REV1: variants seen among roughly 807,000 people sequenced by gnomAD.
REV1 encodes the protein translesion synthesis protein REV1.
In REV1, 42 loss-of-function variants were observed where a neutral mutation model predicts 137.4. The ratio of observed to expected loss-of-function variants is 0.31; its 90% CI spans 0.24 to 0.40. REV1 has a LOEUF of 0.40. Among genes scored for constraint, REV1 ranks in the 10% least tolerant of loss-of-function variants. The pLI, the probability that REV1 is intolerant of heterozygous loss-of-function variation, is 1.00. For missense variants in REV1, 1,282 were observed against 1,490.1 expected (o/e 0.86, Z 2.30); for synonymous variants, 524 against 519.2 (o/e 1.01, Z -0.12).
chr2:99,410,357 A>G (rs1162541234), intron 14 of REV1, among the ~76,000 whole-genome samples: 1 of 152,082 alleles, frequency 6.6e-6, no homozygotes, highest in African/African-American at 2.4e-5. Flanking sequence ...CTCAGGAAAA[A>G]AGTTTCACCA....
rs185780862 is a variant in REV1 at position 99,477,809 on chromosome 2, T to C, written c.-11+12008A>G. Among the ~76,000 whole-genome samples the C allele has an allele frequency of 9.0e-4, 137 of 152,344 alleles. 3 individuals carry two copies. The East Asian group carries it at 0.022, about 24-fold the overall frequency. On this transcript the variant is annotated intron_variant, in intron 1 of 22. Coordinates refer to ENST00000258428, the MANE Select transcript of REV1 (RefSeq NM_016316.4). The stretch of plus-strand genomic sequence containing the variant: ...GTTATTCATAACTACCAAAAAAAGA[T>C]GCTTGATTTAACAAAATCAATAGTT...
intron 9 of REV1, among the ~76,000 whole-genome samples, chr2:99,426,353 A>G (rs1478239589): frequency 6.6e-6 from 1 of 152,154 alleles, no homozygotes; most frequent in Admixed American, 6.5e-5. Context: ...ATCTCAAAAA[A>G]AAAAAAAAAA....
chr2:99,422,425 A>G (rs1678806798), intron 10 of REV1, among the ~76,000 whole-genome samples: 1 of 152,220 alleles, frequency 6.6e-6, no homozygotes, highest in East Asian at 1.9e-4. Flanking sequence ...TATGTCTTTC[A>G]TAATCCACTT....
chr2:99,448,897 T>G (rs1185570397), intron 4 of REV1, among the ~76,000 whole-genome samples: 1 of 152,232 alleles, frequency 6.6e-6, no homozygotes, highest in African/African-American at 2.4e-5. Context: ...AATCCTAGGC[T>G]ATAGTATTAT....
chr2:99,468,895 T>C (rs575353421), intron 1 of REV1, among the ~76,000 whole-genome samples: 1 of 152,292 alleles, frequency 6.6e-6, no homozygotes, highest in East Asian at 1.9e-4. Flanking sequence ...TGGAAACCCT[T>C]TGAAAACTAT....
At chr2:99,414,919 T>G (rs191602389) in intron 12 of REV1, among the ~76,000 whole-genome samples, 1 of 152,328 alleles carries the variant, frequency 6.6e-6, no homozygotes, top group East Asian at 1.9e-4. Flanking sequence ...CCACAACAAA[T>G]TATGCACTAC....
At chr2:99,446,770 T>C (rs1682280548) in intron 4 of REV1, among the ~76,000 whole-genome samples, 1 of 152,024 alleles carries the variant, frequency 6.6e-6, no homozygotes, top group African/African-American at 2.4e-5. Flanking sequence ...GGGGATTACA[T>C]GCATGAGCTA....
chr2:99,462,256 G>A (rs1223231919), intron 3 of REV1, among the ~76,000 whole-genome samples: 2 of 152,024 alleles, frequency 1.3e-5, no homozygotes, highest in South Asian at 2.1e-4. Context: ...GTAATTTCCC[G>A]TTTTTCATTT....
chr2:99,401,903 A>C (rs982819572), intron 22 of REV1, among the ~76,000 whole-genome samples: 7 of 128,738 alleles, frequency 5.4e-5, no homozygotes, highest in Admixed American at 3.9e-4. Context: ...CCACCCCCCC[A>C]GATTATTTAT....
At chr2:99,470,196 C>A (rs1360252253) in intron 1 of REV1, among the ~76,000 whole-genome samples, 2 of 152,052 alleles carry the variant, frequency 1.3e-5, no homozygotes, top group African/African-American at 4.8e-5. Flanking sequence ...GTTCATCACA[C>A]ACTAGAAAAA....
At chr2:99,488,401 C>A (rs1687322701) in intron 1 of REV1, among the ~76,000 whole-genome samples, 1 of 118,578 alleles carries the variant, frequency 8.4e-6, no homozygotes, top group Admixed American at 1.1e-4. Flanking sequence ...TACGGTTTAC[C>A]GTAAAATAGC....
At chr2:99,449,218 T>A in intron 4 of REV1, 118 bp downstream of exon 4, 1 of 452,938 alleles carries the variant, frequency 2.2e-6, no homozygotes, top group Non-Finnish European at 3.4e-6. Flanking sequence ...TGAGCCATGA[T>A]CATGCCACTG....
rs545778396 is a variant in REV1 at position 99,418,930 on chromosome 2, C to A, written c.1849G>T (p.Ala617Ser). 8.1e-6 allele frequency: 13 copies of A among 1,610,128 alleles called. No homozygotes were observed. In the South Asian group the frequency reaches 1.4e-4, roughly 18 times the overall value. Residue 617 changes from alanine to serine, a missense_variant, in exon 12 of 23, where the codon GCT (alanine) becomes TCT (serine). Around this residue, in one of 7 missense-constraint regions of REV1, gnomAD observed 372 missense variants for 482.3 expected, o/e 0.77. Coordinates refer to ENST00000258428, the MANE Select transcript of REV1 (RefSeq NM_016316.4). The stretch of plus-strand genomic sequence containing the variant: ...TTTGCTTTTCTAGTTGCCATTCTAG[C>A]CAGGAGAATATTAGAACCTATTAAA... ...SVGIGSNILL[A>S]RMATRKAKPD...
rs377045705 is a variant in REV1 at position 99,439,319 on chromosome 2, G to T, written c.504-9C>A. On this transcript the variant is annotated splice_polypyrimidine_tract_variant and intron_variant, in intron 5 of 22. Transcript: ENST00000258428. ...TCTTAACGATGTGATTTCTAAAGCA[G>T]GAAAAAATTTTTGAGTTAATAATAT... 7.9e-5 allele frequency: 125 copies of T among 1,579,866 alleles called. No individual in the cohort carries two copies. The highest frequency in any genetic ancestry group is 1.0e-4 in the Non-Finnish European group (120 of 1,162,614).
In REV1 at chr2:99,418,941, T is replaced by G. The variant is rs1182446455; in HGVS notation, c.1838A>C (p.Asn613Thr). ...KCAASVGIGSNILLARMATRK... is the reference protein window; with the variant it reads ...KCAASVGIGSTILLARMATRK... ...AGTTGCCATTCTAGCCAGGAGAATATTAGAACCTATTAAAAAAAAAAGTCA... is the reference window on the plus strand; with the variant it reads ...AGTTGCCATTCTAGCCAGGAGAATAGTAGAACCTATTAAAAAAAAAAGTCA... Residue 613 changes from asparagine (N) to threonine (T), a missense_variant, in exon 12 of 23, where the codon AAT becomes ACT. Asn to Thr is a moderately conservative substitution (Grantham distance 65). Transcript: ENST00000258428. The G allele has an allele frequency of 1.8e-5, 29 of 1,591,718 alleles. No homozygotes were observed. The highest frequency in any genetic ancestry group is 2.4e-5 in the Non-Finnish European group (28 of 1,171,972).
chr2:99,485,904 G>C (rs192705913), intron 1 of REV1, among the ~76,000 whole-genome samples: 22 of 151,812 alleles, frequency 1.4e-4, no homozygotes, highest in African/African-American at 4.8e-4. Context: ...TGAGGCAGGA[G>C]ACTGTAGCCC....
chr2:99,461,480 ACAGT>A lies in REV1; in HGVS notation c.181+1012_181+1015del, dbSNP rs1314060297. Among the ~76,000 whole-genome samples, 15 of 152,344 alleles carry A rather than the reference ACAGT, an allele frequency of 9.8e-5. No homozygotes were observed. In the East Asian group the frequency reaches 2.9e-3, roughly 29 times the overall value. ...AGAAGTCACCTAAATCAGTATGAAG[ACAGT>A]CAAACTATCAAGGGAAAGCGAGGCA... On this transcript the variant is annotated intron_variant, in intron 3 of 22. Transcript: ENST00000258428.
chr2:99,485,233 T>C (rs1411298178), intron 1 of REV1, among the ~76,000 whole-genome samples: 1 of 152,224 alleles, frequency 6.6e-6, no homozygotes, highest in Admixed American at 6.5e-5. Context: ...TTTATGAGAA[T>C]AATTCAAGTT....
chr2:99,417,385 C>G (rs532373032), intron 12 of REV1, among the ~76,000 whole-genome samples: 5 of 152,282 alleles, frequency 3.3e-5, no homozygotes, highest in Non-Finnish European at 2.9e-5. Context: ...CTCAAATGAT[C>G]CATCTGCCTC....
Sources: allele counts gnomAD v4.1 joint callset (sites outside exome capture counted in the v4.1 genomes callset), GRCh38; gene constraint gnomAD v4.1.1; regional missense constraint gnomAD v4.1.1; transcripts MANE v1.5; gene names NCBI Gene and HGNC (gene_info 2026-07-23, HGNC 2026-07-21).